Variants in ACOXL observed in about 807,000 individuals in gnomAD.
The protein encoded by ACOXL is acyl-coenzyme A oxidase-like protein.
A neutral mutation model predicts 71.9 loss-of-function variants in ACOXL; 70 were observed. The observed-to-expected ratio is 0.97, with a 90% CI of 0.80 to 1.19. The LOEUF is 1.19. ACOXL is among the 50% of genes most tolerant of loss of function. ACOXL has a pLI of 0.00. For missense variants in ACOXL, 703 were observed against 736.3 expected (o/e 0.95, Z 0.52); for synonymous variants, 253 against 281.6 (o/e 0.90, Z 1.02).
At chr2:110,839,511 A>T (rs2105734664) in intron 9 of ACOXL, among the ~76,000 whole-genome samples, 1 of 152,292 alleles carries the variant, frequency 6.6e-6, no homozygotes, top group Admixed American at 6.5e-5. Flanking sequence ...GAATTGAAAA[A>T]TTCAGGTGAT....
intron 9 of ACOXL, among the ~76,000 whole-genome samples, chr2:110,829,584 C>G (rs530127728): frequency 2.0e-5 from 3 of 152,168 alleles, no homozygotes; most frequent in Non-Finnish European, 2.9e-5. Flanking sequence ...TGTCTTTGTA[C>G]GGTGGCTGTT....
intron 10 of ACOXL, among the ~76,000 whole-genome samples, chr2:110,895,669 G>T (rs1259590392): frequency 3.3e-5 from 5 of 150,392 alleles, no homozygotes; most frequent in Admixed American, 1.3e-4. Context: ...GAAAACAATA[G>T]AGAGAGAGAG....
intron 12 of ACOXL, among the ~76,000 whole-genome samples, chr2:110,959,452 C>T (rs1158028679): frequency 6.6e-6 from 1 of 152,168 alleles, no homozygotes; most frequent in African/African-American, 2.4e-5. Flanking sequence ...AGTCTTTATT[C>T]CTGGTTTCCT....
intron 16 of ACOXL, among the ~76,000 whole-genome samples, chr2:111,063,362 TA>T (rs2066909852): frequency 6.6e-6 from 1 of 152,150 alleles, no homozygotes; most frequent in East Asian, 1.9e-4. Context: ...AACATAGACA[TA>T]AAAAATCCCT....
chr2:111,101,429 A>C lies in ACOXL; in HGVS notation c.1542+8463A>C, dbSNP rs146081018. Among the ~76,000 whole-genome samples, 90 of 152,220 alleles carry C rather than the reference A, an allele frequency of 5.9e-4. 2 individuals are homozygous for C. In the East Asian group the frequency reaches 0.015, roughly 26 times the overall value. ...GTTGGTTGTTTTCCATGCCACATTG[A>C]ATGTTTCTTTTTAATGAACACTCAG... On this transcript the variant is annotated intron_variant, in intron 17 of 17. Transcript: ENST00000439055.
At chr2:110,900,303 C>A (rs1422896912) in intron 10 of ACOXL, among the ~76,000 whole-genome samples, 1 of 152,086 alleles carries the variant, frequency 6.6e-6, no homozygotes, top group African/African-American at 2.4e-5. Context: ...AAAAAGAGTG[C>A]TTTTTGGGGA....
intron 12 of ACOXL, among the ~76,000 whole-genome samples, chr2:110,959,585 G>T (rs2061624761): frequency 6.6e-6 from 1 of 152,094 alleles, no homozygotes; most frequent in South Asian, 2.1e-4. Context: ...TGGTCTTTGT[G>T]AGGCATGGCC....
intron 11 of ACOXL, among the ~76,000 whole-genome samples, chr2:110,926,434 G>A (rs900426627): frequency 4.6e-5 from 7 of 152,196 alleles, no homozygotes; most frequent in African/African-American, 2.4e-5. Flanking sequence ...CTCCAGTGTG[G>A]CAGCAAGGAG....
intron 14 of ACOXL, among the ~76,000 whole-genome samples, chr2:111,026,210 T>C (rs1341146830): frequency 1.3e-5 from 2 of 152,204 alleles, no homozygotes; most frequent in Non-Finnish European, 2.9e-5. Context: ...CCTCCAATGC[T>C]TCTTTTCTCA....
chr2:110,917,950 G>A (rs1057258620), intron 11 of ACOXL, among the ~76,000 whole-genome samples: 9 of 152,210 alleles, frequency 5.9e-5, no homozygotes, highest in Non-Finnish European at 1.2e-4. Flanking sequence ...TGTATAGGAA[G>A]AATCAATTTG....
chr2:111,059,665 A>C (rs1413025700), intron 16 of ACOXL, among the ~76,000 whole-genome samples: 1 of 152,186 alleles, frequency 6.6e-6, no homozygotes, highest in Non-Finnish European at 1.5e-5. Context: ...CAAGACCCAA[A>C]GAATGACACA....
chr2:111,067,058 TAC>T (rs1323495437), intron 16 of ACOXL, among the ~76,000 whole-genome samples: 1 of 152,206 alleles, frequency 6.6e-6, no homozygotes, highest in African/African-American at 2.4e-5. Flanking sequence ...GCATCTTCTT[TAC>T]AGAGTCTCAT....
chr2:110,887,110 G>C (rs1697392635), intron 10 of ACOXL: 1 of 413,022 alleles, frequency 2.4e-6, no homozygotes, highest in African/African-American at 2.0e-5. Context: ...ACGATCTGGG[G>C]TGGAAAAACT....
chr2:110,886,385 T>TTTC (rs1553414156), intron 10 of ACOXL, among the ~76,000 whole-genome samples: 1 of 150,660 alleles, frequency 6.6e-6, no homozygotes, highest in Non-Finnish European at 1.5e-5. Flanking sequence ...TTTTTCTTTT[T>TTTC]TTTTTTTTTT....
chr2:110,895,442 A>T (rs2058969852), intron 10 of ACOXL, among the ~76,000 whole-genome samples: 1 of 152,200 alleles, frequency 6.6e-6, no homozygotes, highest in Admixed American at 6.5e-5. Context: ...TTAACAAAAG[A>T]TCTAACATTT....
At chr2:110,997,198 TAAGAG>T (rs1295110986) in intron 14 of ACOXL, among the ~76,000 whole-genome samples, 1 of 152,178 alleles carries the variant, frequency 6.6e-6, no homozygotes, top group African/African-American at 2.4e-5. Flanking sequence ...GACAAAACGA[TAAGAG>T]AAGAAAACAG....
At chr2:110,929,766 G>C (rs1419746561) in intron 11 of ACOXL, among the ~76,000 whole-genome samples, 2 of 152,214 alleles carry the variant, frequency 1.3e-5, no homozygotes, top group Non-Finnish European at 1.5e-5. Context: ...CTGTAGCGAT[G>C]GCTAAAAGGG....
At chr2:110,869,615 G>A (rs926513562) in intron 10 of ACOXL, among the ~76,000 whole-genome samples, 1 of 152,164 alleles carries the variant, frequency 6.6e-6, no homozygotes, top group Non-Finnish European at 1.5e-5. Context: ...TGTCATGCTG[G>A]AGTCCCTGCA....
Position 110,767,931 on chromosome 2 carries a change from C to T in ACOXL, c.-22-437C>T, listed in dbSNP as rs1248602049. Reference sequence around the variant, plus strand: ...AAACCCTGTCTCTACTAAACACACACACACACACACACACACACACACACA... The same window carrying T: ...AAACCCTGTCTCTACTAAACACACATACACACACACACACACACACACACA... On this transcript the variant is annotated intron_variant, in intron 1 of 17. Transcript: ENST00000439055. Among the ~76,000 whole-genome samples the T allele has an allele frequency of 3.1e-4, 21 of 68,056 alleles. No homozygotes were observed. In the South Asian group the frequency reaches 0.011, roughly 35 times the overall value. 44.6% of individuals were successfully genotyped at this position (68,056 alleles called of 152,430 possible). A position where few individuals can be genotyped will look rare whatever the true frequency, so the allele number is the denominator to read the frequency against.
Sources: gnomAD v4.1 joint callset for allele counts (sites outside exome capture counted in the v4.1 genomes callset) on GRCh38, gnomAD v4.1.1 for gene constraint, MANE v1.5 for transcripts, NCBI Gene and HGNC (gene_info 2026-07-23, HGNC 2026-07-21) for gene names.